Variants in AGPAT3 observed in about 807,000 individuals in gnomAD.
AGPAT3 encodes the protein 1-acylglycerol-3-phosphate O-acyltransferase 3, also known as 1-acyl-sn-glycerol-3-phosphate acyltransferase gamma.
A neutral mutation model predicts 47.3 loss-of-function variants in AGPAT3; 5 were observed. That is an observed-to-expected ratio of 0.11 (90% CI 0.06 to 0.22). AGPAT3 has a LOEUF of 0.22. Ranked by LOEUF, AGPAT3 falls within the 10% of genes least tolerant of loss-of-function variation. The pLI is 1.00. For synonymous variants in AGPAT3, 212 were observed against 208.3 expected, an observed-to-expected ratio of 1.02 and a Z score of -0.15; for missense variants, 315 against 493.0, an observed-to-expected ratio of 0.64 and a Z score of 3.42.
In AGPAT3 at chr21:43,955,204, G is replaced by A; in HGVS notation, c.-48-4430G>A. The A allele has an allele frequency of 8.0e-7, 1 of 1,247,202 alleles. No individual in the cohort carries two copies. Among genetic ancestry groups the A allele is most frequent in the Non-Finnish European group, 1.0e-6 (1 of 961,824 alleles). The allele number at this position is 1,247,202 out of a possible 1,614,324, so 77.3% of individuals were successfully genotyped here. A position where few individuals can be genotyped will look rare whatever the true frequency, so the allele number is the denominator to read the frequency against. On this transcript the variant is annotated intron_variant, in intron 2 of 9. Transcript: ENST00000291572. The surrounding 1 kb of genome is among the most constrained non-coding windows in gnomAD (Gnocchi z 4.1). ...GCACCGCGCTGGACCGGCTGGGCCAGATGCCATGGGATTCTGTGTTTGTGA... is the reference window on the plus strand; with the variant it reads ...GCACCGCGCTGGACCGGCTGGGCCAAATGCCATGGGATTCTGTGTTTGTGA...
intron 1 of AGPAT3, among the ~76,000 whole-genome samples, chr21:43,878,352 G>A (rs1043383706): frequency 3.9e-5 from 6 of 152,220 alleles, no homozygotes; most frequent in South Asian, 2.1e-4. Context: ...GAGTCACGTC[G>A]TGGCTCTGTC....
At chr21:43,874,661 T>C (rs1410166933) in intron 1 of AGPAT3, among the ~76,000 whole-genome samples, 1 of 152,226 alleles carries the variant, frequency 6.6e-6, no homozygotes, top group Non-Finnish European at 1.5e-5. Flanking sequence ...CCTGTGTCAG[T>C]AGTAAGCTTT....
intron 1 of AGPAT3, 66 bp downstream of exon 1, chr21:43,865,411 C>CGAGGTCGCCCTCCCGCCGCCG (rs1391082243): frequency 1.4e-5 from 2 of 146,478 alleles, no homozygotes; most frequent in Non-Finnish European, 1.5e-5. Flanking sequence ...CGCCGCCGCC[C>CGAGGTCGCCCTCCCGCCGCCG]GAGGTCGCCC....
intron 7 of AGPAT3, among the ~76,000 whole-genome samples, chr21:43,973,422 G>C (rs145728572): frequency 6.6e-6 from 1 of 152,202 alleles, no homozygotes; most frequent in Non-Finnish European, 1.5e-5. Flanking sequence ...CTTGAGGCAC[G>C]TCTTGCTCTC....
At position 43,939,815 on chromosome 21, in the gene AGPAT3, T is replaced by A. The variant is rs1202578469; in HGVS notation, c.-48-19819T>A. On this transcript the variant is annotated intron_variant, in intron 2 of 9. Coordinates refer to ENST00000291572, the MANE Select transcript of AGPAT3 (RefSeq NM_020132.5). This position sits in a 1 kb window ranked among gnomAD's most constrained non-coding sequence, Gnocchi z 4.4. ...ACTCTTAGGTCCCTGGTCCTAGGGG[T>A]CTGTGCTGGGGTGGGGCTCGTTGAC... Among the ~76,000 whole-genome samples, 1 of 152,006 alleles carries A rather than the reference T, an allele frequency of 6.6e-6. No individual in the cohort carries two copies. The highest frequency in any genetic ancestry group is 1.9e-4 in the East Asian group (1 of 5,188).
intron 2 of AGPAT3, among the ~76,000 whole-genome samples, chr21:43,914,106 T>A (rs1370253420): frequency 6.6e-6 from 1 of 152,216 alleles, no homozygotes; most frequent in Non-Finnish European, 1.5e-5. Flanking sequence ...GCAGGCAGCC[T>A]GTTGCTCTGT....
chr21:43,981,321 A>T lies in AGPAT3; in HGVS notation c.1042+134A>T. ...GGCTGTTATGGACCCTGGAGCCAGGATCCCCCCACGGCCTGCGGGCCTCAG... is the reference window on the plus strand; with the variant it reads ...GGCTGTTATGGACCCTGGAGCCAGGTTCCCCCCACGGCCTGCGGGCCTCAG... On this transcript the variant is annotated intron_variant, in intron 9 of 9. Coordinates refer to ENST00000291572, the MANE Select transcript of AGPAT3 (RefSeq NM_020132.5). The surrounding 1 kb of genome is among the most constrained non-coding windows in gnomAD (Gnocchi z 5.3). 1 of 984,438 alleles carries T rather than the reference A, an allele frequency of 1.0e-6. No homozygotes were observed. Among genetic ancestry groups the T allele is most frequent in the East Asian group, 2.5e-5 (1 of 39,886 alleles). The allele number at this position is 984,438 out of a possible 1,614,324, so 61.0% of individuals were successfully genotyped here.
rs2089194836 is a variant in AGPAT3, at chr21:43,967,662, A to G, written c.179-284A>G. On this transcript the variant is annotated intron_variant, in intron 3 of 9. Transcript: ENST00000291572. ...TGGCTGTGCGGTACTCGGCCACACC[A>G]AGGTGCACGTGAGAAGCGTAATTGG... 9 of 382,580 alleles carry G rather than the reference A, an allele frequency of 2.4e-5. 1 individual carries two copies. In the South Asian group the frequency reaches 3.7e-4, roughly 16 times the overall value. The allele number at this position is 382,580 out of a possible 1,614,324, so 23.7% of individuals were successfully genotyped here.
intron 2 of AGPAT3, among the ~76,000 whole-genome samples, chr21:43,943,747 C>G (rs997023112): frequency 6.6e-6 from 1 of 152,016 alleles, no homozygotes; most frequent in East Asian, 1.9e-4. Flanking sequence ...CGGGGTGGGG[C>G]GGGCCGCGTG....
intron 7 of AGPAT3, 26 bp downstream of exon 7, chr21:43,971,516 C>A (rs760727709): frequency 6.2e-7 from 1 of 1,607,176 alleles, no homozygotes; most frequent in South Asian, 1.1e-5. Flanking sequence ...GTGGCTCTCG[C>A]GCCGCCCCCC....
In AGPAT3 at chr21:43,983,922, A is replaced by G. The variant is rs957162798; in HGVS notation, c.*1530A>G. ...CAAATGGAGAAAAGAGGCATGAAGA[A>G]AAGTAAACCGAGAACATAATTAGGC... On this transcript the variant is annotated 3_prime_UTR_variant, in exon 10 of 10. Coordinates refer to ENST00000291572, the MANE Select transcript of AGPAT3 (RefSeq NM_020132.5). 6.6e-6 allele frequency: 1 copy of G among 152,274 alleles called. No homozygotes were observed. Among genetic ancestry groups the G allele is most frequent in the Non-Finnish European group, 1.5e-5 (1 of 68,054 alleles). The allele number at this position is 152,274 out of a possible 1,614,324, so 9.4% of individuals were successfully genotyped here.
intron 2 of AGPAT3, among the ~76,000 whole-genome samples, chr21:43,909,885 C>T (rs1021714463): frequency 3.3e-5 from 5 of 152,236 alleles, no homozygotes; most frequent in African/African-American, 4.8e-5. Context: ...AACGCTAGCC[C>T]GGTGGGGAGG....
At chr21:43,950,401 G>A (rs2088133750) in intron 2 of AGPAT3, among the ~76,000 whole-genome samples, 1 of 152,210 alleles carries the variant, frequency 6.6e-6, no homozygotes. Context: ...GGCTTATGAA[G>A]AGGTAAGGTG....
At chr21:43,959,389 G>A (rs1416378874) in intron 2 of AGPAT3, among the ~76,000 whole-genome samples, 4 of 144,812 alleles carry the variant, frequency 2.8e-5, no homozygotes, top group Admixed American at 6.9e-5. Flanking sequence ...TGTGTGTGAC[G>A]TGTGGTTTGC....
chr21:43,954,364 T>A lies in AGPAT3; in HGVS notation c.-48-5270T>A, dbSNP rs1401631159. Among the ~76,000 whole-genome samples, 1 of 151,958 alleles carries A rather than the reference T, an allele frequency of 6.6e-6. No homozygotes were observed. The highest frequency in any genetic ancestry group is 6.6e-5 in the Admixed American group (1 of 15,262). ...GCGAGGTCTGTGAGTGAAACTACAC[T>A]GCTGGCTGGACAGAGACATGGCAAT... is the stretch of plus-strand genomic sequence containing the variant. On this transcript the variant is annotated intron_variant, in intron 2 of 9. Coordinates refer to ENST00000291572, the MANE Select transcript of AGPAT3 (RefSeq NM_020132.5). This position sits in a 1 kb window ranked among gnomAD's most constrained non-coding sequence, Gnocchi z 4.0.
At chr21:43,972,147 A>AT (rs11369044) in intron 7 of AGPAT3, among the ~76,000 whole-genome samples, 53,852 of 148,282 alleles carry the variant, frequency 0.36, 9,683 homozygotes, top group Admixed American at 0.4. Flanking sequence ...AGCCTGTTTG[A>AT]TTTTTTTTTT....
At position 43,875,389 on chromosome 21, in the gene AGPAT3, C is replaced by T. The variant is rs139109666; in HGVS notation, c.-112+10044C>T. Among the ~76,000 whole-genome samples, 13 of 152,346 alleles carry T rather than the reference C, an allele frequency of 8.5e-5. No homozygotes were observed. The East Asian group carries it at 1.9e-3, about 23-fold the overall frequency. Reference sequence around the variant, plus strand: ...TTTCCACCCAAATATCTTTGATCCACAGTTGGTTGAATCCACAAATGTGGA... The same window carrying T: ...TTTCCACCCAAATATCTTTGATCCATAGTTGGTTGAATCCACAAATGTGGA... On this transcript the variant is annotated intron_variant, in intron 1 of 9. Transcript: ENST00000291572.
chr21:43,905,155 A>ATATTTATTTATT (rs71334019), intron 2 of AGPAT3, among the ~76,000 whole-genome samples: 10 of 138,480 alleles, frequency 7.2e-5, no homozygotes, highest in Non-Finnish European at 4.7e-5. Flanking sequence ...TTTAAAAAAA[A>ATATTTATTTATT]TATTTATTTA....
At chr21:43,951,177 G>A (rs947323866) in intron 2 of AGPAT3, among the ~76,000 whole-genome samples, 1 of 152,158 alleles carries the variant, frequency 6.6e-6, no homozygotes, top group Non-Finnish European at 1.5e-5. Context: ...AGGTCTGCTC[G>A]GCCCACTACA....
Sources: gnomAD v4.1 joint callset for allele counts (sites outside exome capture counted in the v4.1 genomes callset) on GRCh38, gnomAD v4.1.1 for gene constraint, Gnocchi (gnomAD v3.1) non-coding constraint, MANE v1.5 for transcripts, NCBI Gene and HGNC (gene_info 2026-07-23, HGNC 2026-07-21) for gene names.